Variants in FHIT observed in about 807,000 individuals in gnomAD.
The protein encoded by FHIT is bis(5'-adenosyl)-triphosphatase.
Under a neutral mutation model 17.9 loss-of-function variants are expected in FHIT, and 19 were observed. The ratio of observed to expected loss-of-function variants is 1.06; its 90% CI spans 0.74 to 1.56. The LOEUF (loss-of-function observed/expected upper bound fraction) is 1.56. Ranked by LOEUF, FHIT falls within the 40% of genes most tolerant of loss-of-function variation. The pLI, the probability that FHIT is intolerant of heterozygous loss-of-function variation, is 0.00. For missense variants in FHIT, 248 were observed against 189.2 expected (o/e 1.31, Z -1.82); for synonymous variants, 81 against 69.7 (o/e 1.16, Z -0.81).
chr3:60,270,009 G>C (rs7636129), intron 5 of FHIT, among the ~76,000 whole-genome samples: 13,682 of 152,106 alleles, frequency 0.09, 771 homozygotes, highest in Non-Finnish European at 0.13. Flanking sequence ...CTCATACGAC[G>C]CCAGAACTAA....
chr3:60,289,742 A>G (rs897725232), intron 5 of FHIT, among the ~76,000 whole-genome samples: 1 of 152,202 alleles, frequency 6.6e-6, no homozygotes, highest in African/African-American at 2.4e-5. Flanking sequence ...GTGTTCTCCC[A>G]AGAATATCCT....
chr3:59,920,151 C>G (rs1705332324), intron 8 of FHIT, among the ~76,000 whole-genome samples: 1 of 152,198 alleles, frequency 6.6e-6, no homozygotes, highest in African/African-American at 2.4e-5. Flanking sequence ...ACAGAAACTA[C>G]TATCTATTAA....
intron 5 of FHIT, among the ~76,000 whole-genome samples, chr3:60,082,309 C>CT (rs147183355): frequency 6.6e-6 from 1 of 151,802 alleles, no homozygotes; most frequent in Non-Finnish European, 1.5e-5. Flanking sequence ...TGATTTCATT[C>CT]TTTTTTTATG....
intron 3 of FHIT, among the ~76,000 whole-genome samples, chr3:60,825,705 T>C (rs1008076384): frequency 3.3e-5 from 5 of 152,122 alleles, no homozygotes. Flanking sequence ...CCTGATGATC[T>C]GAGGTGGAAC....
At chr3:60,675,332 A>G (rs958992137) in intron 4 of FHIT, among the ~76,000 whole-genome samples, 2 of 152,172 alleles carry the variant, frequency 1.3e-5, no homozygotes, top group Non-Finnish European at 2.9e-5. Flanking sequence ...TAAATGATGA[A>G]AAATAATTAT....
chr3:59,783,567 T>C (rs1462647044), intron 8 of FHIT, among the ~76,000 whole-genome samples: 1 of 152,236 alleles, frequency 6.6e-6, no homozygotes, highest in Non-Finnish European at 1.5e-5. Flanking sequence ...AGGCACTTTC[T>C]GACATTTCCA....
At chr3:60,003,828 C>T in intron 7 of FHIT, among the ~76,000 whole-genome samples, 1 of 150,774 alleles carries the variant, frequency 6.6e-6, no homozygotes, top group East Asian at 1.9e-4. Context: ...GAATCTTTCT[C>T]ACATGATTAA....
intron 2 of FHIT, among the ~76,000 whole-genome samples, chr3:61,054,527 C>A (rs2034145522): frequency 6.6e-6 from 1 of 152,128 alleles, no homozygotes; most frequent in African/African-American, 2.4e-5. Flanking sequence ...ACATTTTAAA[C>A]ATAACAAGCT....
chr3:60,539,837 C>T (rs983716039), intron 4 of FHIT, among the ~76,000 whole-genome samples: 3 of 151,606 alleles, frequency 2.0e-5, no homozygotes, highest in Admixed American at 6.6e-5. Context: ...ATATACCTAA[C>T]GTGAATGACA....
chr3:60,382,119 G>T (rs1700823378), intron 5 of FHIT, among the ~76,000 whole-genome samples: 2 of 152,262 alleles, frequency 1.3e-5, no homozygotes, highest in South Asian at 2.1e-4. Flanking sequence ...CTTGACCAGG[G>T]TTTAAATCAA....
chr3:60,456,365 C>T (rs2032093826), intron 5 of FHIT, among the ~76,000 whole-genome samples: 1 of 152,164 alleles, frequency 6.6e-6, no homozygotes, highest in South Asian at 2.1e-4. Flanking sequence ...CACACACTTC[C>T]CCAAACCAGA....
At chr3:59,754,274 G>A (rs1336500562) in intron 8 of FHIT, among the ~76,000 whole-genome samples, 2 of 152,122 alleles carry the variant, frequency 1.3e-5, no homozygotes, top group African/African-American at 4.8e-5. Context: ...ATTTATGAGG[G>A]TCATGGATCT....
chr3:61,074,604 TG>T, intron 2 of FHIT, among the ~76,000 whole-genome samples: 1 of 152,338 alleles, frequency 6.6e-6, no homozygotes, highest in East Asian at 1.9e-4. Flanking sequence ...GAGTTGAGGC[TG>T]CTCTTATCCT....
intron 2 of FHIT, among the ~76,000 whole-genome samples, chr3:61,118,561 C>T (rs1017182511): frequency 6.6e-6 from 1 of 152,186 alleles, no homozygotes; most frequent in Non-Finnish European, 1.5e-5. Context: ...TTTCATAGCA[C>T]CTGGACCTCA....
chr3:60,334,761 T>C (rs1046356609), intron 5 of FHIT, among the ~76,000 whole-genome samples: 1 of 152,178 alleles, frequency 6.6e-6, no homozygotes, highest in Non-Finnish European at 1.5e-5. Flanking sequence ...CCCTCCAGAC[T>C]GGGCGACGCC....
At chr3:59,818,076 G>C (rs975897453) in intron 8 of FHIT, among the ~76,000 whole-genome samples, 1 of 151,200 alleles carries the variant, frequency 6.6e-6, no homozygotes, top group African/African-American at 2.4e-5. Flanking sequence ...ACTGAGAGGA[G>C]AGCACTGTAT....
At chr3:59,871,332 G>A (rs889992899) in intron 8 of FHIT, among the ~76,000 whole-genome samples, 2 of 152,066 alleles carry the variant, frequency 1.3e-5, no homozygotes, top group Admixed American at 1.3e-4. Flanking sequence ...CCTGAATTTT[G>A]CTGTGTGCGC....
intron 4 of FHIT, among the ~76,000 whole-genome samples, chr3:60,569,753 A>ATTTTTTTTTTTT (rs1200159409): frequency 1.7e-5 from 1 of 57,244 alleles, no homozygotes; most frequent in African/African-American, 7.0e-5. Context: ...ATATATATAT[A>ATTTTTTTTTTTT]TATTTTTTTT....
chr3:61,236,286 A>C (rs1227380649), intron 1 of FHIT, among the ~76,000 whole-genome samples: 1 of 148,954 alleles, frequency 6.7e-6, no homozygotes, highest in African/African-American at 2.4e-5. Context: ...TATTATGGTA[A>C]TTAGTAATAA....
Sources: allele counts gnomAD v4.1 joint callset (sites outside exome capture counted in the v4.1 genomes callset), GRCh38; gene constraint gnomAD v4.1.1; transcripts MANE v1.5; gene names NCBI Gene and HGNC (gene_info 2026-07-23, HGNC 2026-07-21).